SLIT3: variants seen among roughly 807,000 people sequenced by gnomAD.
SLIT3 encodes slit guidance ligand 3, also known as slit homolog 3 protein.
SLIT3 carries 68 observed loss-of-function variants against 184.0 expected under a neutral mutation model. The observed-to-expected ratio is 0.37, with a 90% CI of 0.30 to 0.45. The LOEUF (loss-of-function observed/expected upper bound fraction) is 0.45. SLIT3 is among the 20% of genes least tolerant of loss of function. The pLI is 1.00. For missense variants in SLIT3, 1,707 were observed against 2,026.0 expected (o/e 0.84, Z 3.02); for synonymous variants, 831 against 828.6 (o/e 1.00, Z -0.05).
At chr5:168,857,758 C>A (rs1169220038) in intron 5 of SLIT3, among the ~76,000 whole-genome samples, 1 of 152,178 alleles carries the variant, frequency 6.6e-6, no homozygotes, top group Non-Finnish European at 1.5e-5. Flanking sequence ...GGTCGGAGGG[C>A]TGAACAGCAG....
At chr5:169,130,728 C>G (rs997351073) in intron 4 of SLIT3, among the ~76,000 whole-genome samples, 1 of 152,110 alleles carries the variant, frequency 6.6e-6, no homozygotes, top group African/African-American at 2.4e-5. Context: ...CCTCATTAAT[C>G]TGCTTAAAAA....
At chr5:168,746,585 TGTGTGA>T (rs1754433717) in intron 20 of SLIT3, among the ~76,000 whole-genome samples, 1 of 104,952 alleles carries the variant, frequency 9.5e-6, no homozygotes, top group Non-Finnish European at 1.9e-5. Context: ...TGGTGTGTGG[TGTGTGA>T]GTGTGGTGGT....
chr5:168,748,330 T>C lies in SLIT3; in HGVS notation c.2242A>G (p.Arg748Gly). ...TCGGTCACATCCTTGGGCATGCCTCTGGGGAGGGCGCGGAGCCCCTTGTTG... is the reference window on the plus strand; with the variant it reads ...TCGGTCACATCCTTGGGCATGCCTCCGGGGAGGGCGCGGAGCCCCTTGTTG... ...CSNKGLRALP[R>G]GMPKDVTELY... Residue 748 changes from arginine (R) to glycine (G), a missense_variant, in exon 20 of 36, where the codon AGA becomes GGA. Coordinates refer to ENST00000519560, the MANE Select transcript of SLIT3 (RefSeq NM_003062.4). The C allele has an allele frequency of 6.7e-7, 1 of 1,491,774 alleles. No individual in the cohort carries two copies. The highest frequency in any genetic ancestry group is 2.7e-5 in the East Asian group (1 of 36,788). The allele number at this position is 1,491,774 out of a possible 1,614,324, so 92.4% of individuals were successfully genotyped here.
chr5:168,991,268 T>C (rs926587170), intron 4 of SLIT3, among the ~76,000 whole-genome samples: 4 of 152,166 alleles, frequency 2.6e-5, no homozygotes, highest in Non-Finnish European at 5.9e-5. Flanking sequence ...TCAAGCAAAT[T>C]GTAGTTGTAA....
At position 168,938,733 on chromosome 5, in the gene SLIT3, C is replaced by T. The variant is rs1303705594; in HGVS notation, c.414-55397G>A. 3.3e-5 allele frequency among the ~76,000 whole-genome samples: 5 copies of T among 152,210 alleles called. No individual in the cohort carries two copies. The East Asian group carries it at 7.7e-4, about 24-fold the overall frequency. On this transcript the variant is annotated intron_variant, in intron 4 of 35. Transcript: ENST00000519560. ...GCAACCTCCTCCTCCCGGGTTCAAG[C>T]GATTCTCCCGCCTCAGCCTCCCTAG...
At chr5:168,885,543 T>G (rs568194567) in intron 4 of SLIT3, among the ~76,000 whole-genome samples, 1 of 152,354 alleles carries the variant, frequency 6.6e-6, no homozygotes, top group Non-Finnish European at 1.5e-5. Flanking sequence ...CCCGAGGCTC[T>G]GGCAGTCACA....
intron 4 of SLIT3, among the ~76,000 whole-genome samples, chr5:169,088,236 A>T (rs1180831343): frequency 6.6e-6 from 1 of 152,180 alleles, no homozygotes; most frequent in Non-Finnish European, 1.5e-5. Flanking sequence ...GTGTTCATAA[A>T]TAAGCCTGTC....
intron 4 of SLIT3, among the ~76,000 whole-genome samples, chr5:168,920,914 C>T (rs577547072): frequency 5.3e-5 from 8 of 152,250 alleles, no homozygotes; most frequent in Admixed American, 1.3e-4. Context: ...CACCACACAT[C>T]GCTCATTCCT....
intron 4 of SLIT3, among the ~76,000 whole-genome samples, chr5:168,895,216 C>A (rs11742567): frequency 6.6e-6 from 1 of 151,850 alleles, no homozygotes; most frequent in Admixed American, 6.6e-5. Context: ...CCGGATCTAC[C>A]TAACCCTAAC....
intron 4 of SLIT3, among the ~76,000 whole-genome samples, chr5:169,084,138 A>G (rs1270986437): frequency 6.6e-6 from 1 of 152,120 alleles, no homozygotes; most frequent in Admixed American, 6.5e-5. Context: ...AGACTCCTAG[A>G]CAATACAGTA....
intron 4 of SLIT3, among the ~76,000 whole-genome samples, chr5:168,943,805 A>G (rs1762392033): frequency 6.6e-6 from 1 of 152,228 alleles, no homozygotes. Flanking sequence ...CACACAGAAC[A>G]TTAGGGACAA....
intron 1 of SLIT3, among the ~76,000 whole-genome samples, chr5:169,296,227 C>G (rs1213551400): frequency 6.6e-6 from 1 of 152,112 alleles, no homozygotes. Context: ...TTCATTATTC[C>G]TTTATTAAAT....
At chr5:169,068,219 G>GA (rs1561642225) in intron 4 of SLIT3, among the ~76,000 whole-genome samples, 1 of 151,706 alleles carries the variant, frequency 6.6e-6, no homozygotes, top group African/African-American at 2.4e-5. Flanking sequence ...GATGAGGGAA[G>GA]AAAAAAGAGA....
Position 168,935,770 on chromosome 5 carries a change from C to T in SLIT3, c.414-52434G>A, listed in dbSNP as rs141274607. 1.1e-3 allele frequency among the ~76,000 whole-genome samples: 161 copies of T among 152,332 alleles called. 1 individual carries two copies. Among genetic ancestry groups the T allele is most frequent in the African/African-American group, 3.6e-3 (151 of 41,582 alleles). On this transcript the variant is annotated intron_variant, in intron 4 of 35. Transcript: ENST00000519560. ...ACAAATCATGACATTCTGTTCTAAG[C>T]TCTTAGGGCTCTGGAGAAATTCAGA...
intron 4 of SLIT3, among the ~76,000 whole-genome samples, chr5:168,927,758 A>T (rs1281781757): frequency 6.6e-6 from 1 of 152,212 alleles, no homozygotes; most frequent in African/African-American, 2.4e-5. Context: ...CAATTACATC[A>T]CATATGTCCT....
At chr5:169,277,838 T>C (rs1405662684) in intron 1 of SLIT3, among the ~76,000 whole-genome samples, 1 of 152,220 alleles carries the variant, frequency 6.6e-6, no homozygotes, top group Non-Finnish European at 1.5e-5. Context: ...TGCCTTACTG[T>C]TTTCCACAGC....
chr5:168,796,935 G>C (rs768103080), intron 9 of SLIT3, among the ~76,000 whole-genome samples: 4 of 152,156 alleles, frequency 2.6e-5, no homozygotes, highest in Admixed American at 6.5e-5. Flanking sequence ...CAGGGAGAAA[G>C]GGGAAAGGCG....
chr5:168,795,454 C>G, intron 10 of SLIT3, 53 bp downstream of exon 10: 4 of 1,438,040 alleles, frequency 2.8e-6, no homozygotes, highest in Non-Finnish European at 3.9e-6. Flanking sequence ...ACATTGCAAA[C>G]AACCCTGGAA....
chr5:168,819,094 G>A lies in SLIT3; in HGVS notation c.630-1631C>T, dbSNP rs376800702. 2.6e-5 allele frequency among the ~76,000 whole-genome samples: 4 copies of A among 152,284 alleles called. No homozygotes were observed. In the South Asian group the frequency reaches 8.3e-4, roughly 32 times the overall value. On this transcript the variant is annotated intron_variant, in intron 7 of 35. Transcript: ENST00000519560. ...ATACAGTGAGTACAATGGGTCCCAC[G>A]CAGTTCTCCCCTTTGAGTTTGAAAG... is the stretch of plus-strand genomic sequence containing the variant.
Sources: gnomAD v4.1 joint callset for allele counts (sites outside exome capture counted in the v4.1 genomes callset) on GRCh38, gnomAD v4.1.1 for gene constraint, MANE v1.5 for transcripts, NCBI Gene and HGNC (gene_info 2026-07-23, HGNC 2026-07-21) for gene names.